The following LHFPL7 variants were observed in gnomAD, a reference collection of about 807,000 sequenced individuals.
LHFPL7 encodes LHFPL tetraspan subfamily member 7.
At chr22:24,935,799 T>C in the LHFPL7 span, among the ~76,000 whole-genome samples, 1 of 151,966 alleles carries the variant, frequency 6.6e-6, no homozygotes, top group African/African-American at 2.4e-5. Flanking sequence ...CACTAACCCA[T>C]CCATTCAAAC....
chr22:24,945,356 CGTCA>C, the LHFPL7 span, among the ~76,000 whole-genome samples: 1 of 152,064 alleles, frequency 6.6e-6, no homozygotes, highest in Non-Finnish European at 1.5e-5. Context: ...GAAGATGACT[CGTCA>C]GTCAGACAAG....
chr22:24,941,777 C>T, the LHFPL7 span, among the ~76,000 whole-genome samples: 2 of 151,310 alleles, frequency 1.3e-5, no homozygotes, highest in Non-Finnish European at 2.9e-5. Flanking sequence ...TCAAGCGATT[C>T]TCCTGCCTCA....
chr22:24,937,449 C>T, the LHFPL7 span, among the ~76,000 whole-genome samples: 8 of 152,104 alleles, frequency 5.3e-5, no homozygotes, highest in Non-Finnish European at 7.4e-5. Context: ...TCATAGGCTA[C>T]GGTAAGAAGT....
the LHFPL7 span, among the ~76,000 whole-genome samples, chr22:24,940,636 C>CCCTTTCTTCCTTCCTTCCTTCCTT: frequency 1.6e-5 from 1 of 61,080 alleles, no homozygotes; most frequent in Non-Finnish European, 3.1e-5. Flanking sequence ...CATATGCCCG[C>CCCTTTCTTCCTTCCTTCCTTCCTT]CCTTCCTTCC....
the LHFPL7 span, among the ~76,000 whole-genome samples, chr22:24,942,729 C>G: frequency 2.6e-5 from 4 of 152,092 alleles, no homozygotes; most frequent in African/African-American, 4.8e-5. Context: ...TTAGTCTGGA[C>G]TAGGGGCAGA....
chr22:24,944,777 T>C, the LHFPL7 span, among the ~76,000 whole-genome samples: 1 of 151,814 alleles, frequency 6.6e-6, no homozygotes, highest in African/African-American at 2.4e-5. Flanking sequence ...AGGTGAGGTC[T>C]CTCTATGTTG....
the LHFPL7 span, among the ~76,000 whole-genome samples, chr22:24,941,652 A>T: frequency 7.0e-6 from 1 of 142,188 alleles, no homozygotes; most frequent in African/African-American, 2.6e-5. Context: ...GGAAATTCAA[A>T]TTTTTTTGTT....
chr22:24,940,991 A>C, the LHFPL7 span, among the ~76,000 whole-genome samples: 2 of 151,916 alleles, frequency 1.3e-5, no homozygotes, highest in Non-Finnish European at 2.9e-5. Context: ...TTTTCTGTGG[A>C]AACAAGGTCT....
At chr22:24,945,468 C>T in the LHFPL7 span, among the ~76,000 whole-genome samples, 1 of 152,162 alleles carries the variant, frequency 6.6e-6, no homozygotes, top group African/African-American at 2.4e-5. Flanking sequence ...AAAGGTCAAG[C>T]TGATCAGATT....
the LHFPL7 span, among the ~76,000 whole-genome samples, chr22:24,941,386 A>G: frequency 2.0e-5 from 3 of 151,514 alleles, no homozygotes; most frequent in Non-Finnish European, 2.9e-5. Context: ...CCAGGCTAGC[A>G]TTACGTATTG....
chr22:24,940,945 G>C, the LHFPL7 span, among the ~76,000 whole-genome samples: 1 of 151,954 alleles, frequency 6.6e-6, no homozygotes, highest in East Asian at 1.9e-4. Flanking sequence ...TTGCAGAGAC[G>C]TTCCATCACA....
At chr22:24,943,724 G>A in the LHFPL7 span, among the ~76,000 whole-genome samples, 1 of 152,236 alleles carries the variant, frequency 6.6e-6, no homozygotes, top group East Asian at 1.9e-4. Flanking sequence ...AAAGGCCAAC[G>A]AACCCAACGG....
At chr22:24,940,929 A>G in the LHFPL7 span, among the ~76,000 whole-genome samples, 1 of 151,616 alleles carries the variant, frequency 6.6e-6, no homozygotes, top group Non-Finnish European at 1.5e-5. Flanking sequence ...ATTTATTTTT[A>G]TTTTTTTGCA....
At chr22:24,945,372 G>A in the LHFPL7 span, among the ~76,000 whole-genome samples, 117 of 152,334 alleles carry the variant, frequency 7.7e-4, no homozygotes, top group Middle Eastern at 0.027. Flanking sequence ...TCAGACAAGA[G>A]ACAAAGGTGG....
At chr22:24,939,062 G>A in the LHFPL7 span, among the ~76,000 whole-genome samples, 1 of 152,206 alleles carries the variant, frequency 6.6e-6, no homozygotes, top group Non-Finnish European at 1.5e-5. Context: ...TAAATTATCA[G>A]TAGCCGGACC....
chr22:24,941,695 G>A, the LHFPL7 span, among the ~76,000 whole-genome samples: 2 of 150,266 alleles, frequency 1.3e-5, no homozygotes, highest in African/African-American at 2.5e-5. Context: ...GTTTTGAGAC[G>A]GAGTCTTGCT....
the LHFPL7 span, among the ~76,000 whole-genome samples, chr22:24,944,718 CTATTTATT>C: frequency 0.018 from 2,757 of 149,062 alleles, 71 homozygotes; most frequent in African/African-American, 0.063. Flanking sequence ...ACATGCCTGG[CTATTTATT>C]TATTTATTTA....
the LHFPL7 span, among the ~76,000 whole-genome samples, chr22:24,940,386 G>A: frequency 6.7e-6 from 1 of 149,500 alleles, no homozygotes; most frequent in African/African-American, 2.4e-5. Context: ...GAGGTCAGGA[G>A]ATCGAGAACA....
the LHFPL7 span, among the ~76,000 whole-genome samples, chr22:24,945,696 A>C: frequency 2.6e-5 from 4 of 152,212 alleles, no homozygotes; most frequent in Non-Finnish European, 5.9e-5. Flanking sequence ...GCTCCACACC[A>C]TGAAAAAGCC....
Sources: gnomAD v4.1 joint callset for allele counts (sites outside exome capture counted in the v4.1 genomes callset) on GRCh38, gnomAD v4.1.1 for gene constraint, MANE v1.5 for transcripts, NCBI Gene and HGNC (gene_info 2026-07-23, HGNC 2026-07-21) for gene names.